Variants in NCKIPSD observed in about 807,000 individuals in gnomAD.
NCKIPSD encodes the protein NCK interacting protein with SH3 domain.
A neutral mutation model predicts 73.4 loss-of-function variants in NCKIPSD; 48 were observed. The observed-to-expected ratio is 0.65, with a 90% CI of 0.52 to 0.83. The LOEUF (loss-of-function observed/expected upper bound fraction) is 0.83, where lower values mean the gene tolerates loss of function less well. Ranked by LOEUF, NCKIPSD falls within the 40% of genes least tolerant of loss-of-function variation. The pLI, the probability that NCKIPSD is intolerant of heterozygous loss-of-function variation, is 0.00. For missense variants in NCKIPSD, 884 were observed against 970.2 expected (o/e 0.91, Z 1.18); for synonymous variants, 422 against 403.6 (o/e 1.05, Z -0.54).
chr3:48,674,310 G>A lies in NCKIPSD; in HGVS notation c.*234C>T. ...GCATGCTGAAGAGGAAGCCTACCAG[G>A]GTATAGAGGGGCTTTAGCTTGCATA... On this transcript the variant is annotated 3_prime_UTR_variant, in exon 13 of 13. Coordinates refer to ENST00000294129, the MANE Select transcript of NCKIPSD (RefSeq NM_016453.4). 5 of 1,389,336 alleles carry A rather than the reference G, an allele frequency of 3.6e-6. No individual in the cohort carries two copies. The highest frequency in any genetic ancestry group is 4.7e-6 in the Non-Finnish European group (5 of 1,069,524). 86.1% of individuals were successfully genotyped at this position (1,389,336 alleles called of 1,614,324 possible).
Position 48,682,599 on chromosome 3 carries a change from C to A in NCKIPSD, c.282-47G>T, listed in dbSNP as rs746588998. The A allele has an allele frequency of 2.5e-6, 4 of 1,597,332 alleles. No individual in the cohort carries two copies. The Admixed American group carries it at 5.0e-5, about 20-fold the overall frequency. On this transcript the variant is annotated intron_variant, in intron 2 of 12. Transcript: ENST00000294129. The stretch of plus-strand genomic sequence containing the variant: ...TATTGGGGGGTTGCATCTCACAGCT[C>A]AAAGTCCTCATATGCCCCTGTGGGA...
rs924377478 is a variant in NCKIPSD at position 48,674,881 on chromosome 3, C to G, written c.1966-134G>C. The G allele has an allele frequency of 7.3e-6, 6 of 820,970 alleles. No homozygotes were observed. The African/African-American group carries it at 1.0e-4, about 14-fold the overall frequency. 50.9% of individuals were successfully genotyped at this position (820,970 alleles called of 1,614,324 possible). A position where few individuals can be genotyped will look rare whatever the true frequency, so the allele number is the denominator to read the frequency against. Reference sequence around the variant, plus strand: ...ATCAGGGCTGCATCCCCAGCACCCACAATATACCTGGCACAGAATTGGTCT... The same window carrying G: ...ATCAGGGCTGCATCCCCAGCACCCAGAATATACCTGGCACAGAATTGGTCT... On this transcript the variant is annotated intron_variant, in intron 12 of 12. Transcript: ENST00000294129.
rs748381213 is a variant in NCKIPSD, at chr3:48,679,444, G to C, written c.1503C>G (p.Leu501=). 6 of 1,613,258 alleles carry C rather than the reference G, an allele frequency of 3.7e-6. No individual in the cohort carries two copies. Among genetic ancestry groups the C allele is most frequent in the Non-Finnish European group, 5.1e-6 (6 of 1,179,448 alleles). ...MQTDTQDHQK[L]CYSALILAMV... is the part of the protein sequence containing the mutation. ...TGGCCAGGATGAGGGCAGAGTAACA[G>C]AGTTTCTGGTGGTCTGGGGGGGACA... Residue 501 remains leucine, a synonymous_variant, in exon 9 of 13, where the codon CTC becomes CTG. Coordinates refer to ENST00000294129, the MANE Select transcript of NCKIPSD (RefSeq NM_016453.4).
At position 48,674,481 on chromosome 3, in the gene NCKIPSD, G is replaced by A. The variant is rs952210657; in HGVS notation, c.*63C>T. 3 of 1,532,160 alleles carry A rather than the reference G, an allele frequency of 2.0e-6. No individual in the cohort carries two copies. Among genetic ancestry groups the A allele is most frequent in the Non-Finnish European group, 2.6e-6 (3 of 1,137,942 alleles). The allele number at this position is 1,532,160 out of a possible 1,614,324, so 94.9% of individuals were successfully genotyped here. A position where few individuals can be genotyped will look rare whatever the true frequency, so the allele number is the denominator to read the frequency against. On this transcript the variant is annotated 3_prime_UTR_variant, in exon 13 of 13. Transcript: ENST00000294129. ...CACTGTCAGTGCAAAACATTCTTAG[G>A]GCCAAGCCCCTGAGTCCCCTGCACA...
intron 9 of NCKIPSD, 53 bp from the exon 10 acceptor site, chr3:48,679,236 A>T (rs1223684311): frequency 6.2e-7 from 1 of 1,604,348 alleles, no homozygotes. Flanking sequence ...CGACCCCCGC[A>T]CCACCCACCC....
intron 8 of NCKIPSD, 43 bp downstream of exon 8, chr3:48,679,532 C>T: frequency 6.2e-7 from 1 of 1,609,590 alleles, no homozygotes; most frequent in East Asian, 2.2e-5. Flanking sequence ...GAACACCCTC[C>T]AGATAGCAGG....
chr3:48,679,193 G>A lies in NCKIPSD; in HGVS notation c.1571-10C>T. On this transcript the variant is annotated splice_polypyrimidine_tract_variant and intron_variant, in intron 9 of 12. Coordinates refer to ENST00000294129, the MANE Select transcript of NCKIPSD (RefSeq NM_016453.4). ...GGCGTGCCCAGGTGCTCTGGGAGAG[G>A]GGCGCACAGAAGTCTGCAGCCCCAT... 4 of 1,613,648 alleles carry A rather than the reference G, an allele frequency of 2.5e-6. No homozygotes were observed. Among genetic ancestry groups the A allele is most frequent in the Non-Finnish European group, 3.4e-6 (4 of 1,179,856 alleles).
intron 12 of NCKIPSD, among the ~76,000 whole-genome samples, chr3:48,675,508 T>TGATATA (rs2077237440): frequency 3.6e-5 from 4 of 110,210 alleles, no homozygotes; most frequent in African/African-American, 1.7e-4. Flanking sequence ...TATATATATA[T>TGATATA]CATATATATA....
In NCKIPSD at chr3:48,678,641, T is replaced by C. The variant is rs367872973; in HGVS notation, c.1888A>G (p.Ile630Val). 179 of 1,614,228 alleles carry C rather than the reference T, an allele frequency of 1.1e-4. 2 individuals are homozygous for C. In the South Asian group the frequency reaches 1.1e-3, roughly 10 times the overall value. The change falls in exon 12 of 13, where the codon ATC (isoleucine) becomes GTC (valine). Residue 630 changes from isoleucine (I) to valine (V), a missense_variant. By Grantham distance (29) the Ile-to-Val change is conservative. Coordinates refer to ENST00000294129, the MANE Select transcript of NCKIPSD (RefSeq NM_016453.4). ...DVFGSPATAA[I>V]FYHTDMMALI... ...GCCATCATGTCTGTGTGGTAGAAGATGGCAGCTGTGGCCGGGCTGCCAAAC... is the reference window on the plus strand; with the variant it reads ...GCCATCATGTCTGTGTGGTAGAAGACGGCAGCTGTGGCCGGGCTGCCAAAC...
In NCKIPSD at chr3:48,685,818, A is replaced by G. The variant is rs1388415421; in HGVS notation, c.-11T>C. 5 of 1,462,090 alleles carry G rather than the reference A, an allele frequency of 3.4e-6. No homozygotes were observed. The allele number at this position is 1,462,090 out of a possible 1,614,324, so 90.6% of individuals were successfully genotyped here. A position where few individuals can be genotyped will look rare whatever the true frequency, so the allele number is the denominator to read the frequency against. ...CAGCGCGCGGTACATGAGGCCGGGC[A>G]GGGCAGGTGCAGGGAAGGTGGCAAG... On this transcript the variant is annotated 5_prime_UTR_variant, in exon 1 of 13. Transcript: ENST00000294129.
In NCKIPSD at chr3:48,679,142, CGAT is replaced by C; in HGVS notation, c.1609_1611del (p.Ile537del). The C allele has an allele frequency of 6.2e-7, 1 of 1,614,116 alleles. No individual in the cohort carries two copies. The highest frequency in any genetic ancestry group is 8.5e-7 in the Non-Finnish European group (1 of 1,180,016). ...GTGTCCAAGGGCAGCCCATCCTCGACGATGTTCAGTAGGAACTGGGCGAAAGGC... is the reference window on the plus strand; with the variant it reads ...GTGTCCAAGGGCAGCCCATCCTCGACGTTCAGTAGGAACTGGGCGAAAGGC... On this transcript the variant is annotated inframe_deletion, in exon 10 of 13. Coordinates refer to ENST00000294129, the MANE Select transcript of NCKIPSD (RefSeq NM_016453.4).
In NCKIPSD at chr3:48,685,620, G is replaced by T; in HGVS notation, c.171+17C>A. The T allele has an allele frequency of 6.6e-7, 1 of 1,514,978 alleles. No homozygotes were observed. 93.8% of individuals were successfully genotyped at this position (1,514,978 alleles called of 1,614,324 possible). A position where few individuals can be genotyped will look rare whatever the true frequency, so the allele number is the denominator to read the frequency against. On this transcript the variant is annotated intron_variant, in intron 1 of 12. Coordinates refer to ENST00000294129, the MANE Select transcript of NCKIPSD (RefSeq NM_016453.4). Reference sequence around the variant, plus strand: ...GCCCCAGGGGCGCGGAGGCCGGGCGGGAAGGGGCGCACTCACCTGCAGGCG... The same window carrying T: ...GCCCCAGGGGCGCGGAGGCCGGGCGTGAAGGGGCGCACTCACCTGCAGGCG...
In NCKIPSD at chr3:48,679,231, C is replaced by G. The variant is rs566753324; in HGVS notation, c.1571-48G>C. 2.0e-4 allele frequency: 328 copies of G among 1,610,404 alleles called. 1 individual carries two copies. Among genetic ancestry groups the G allele is most frequent in the Non-Finnish European group, 2.5e-4 (298 of 1,178,630 alleles). ...TCTGCAGCCCCATTCCCCTCCGACC[C>G]CCGCACCACCCACCCTTCCTGGCTT... On this transcript the variant is annotated intron_variant, in intron 9 of 12. Coordinates refer to ENST00000294129, the MANE Select transcript of NCKIPSD (RefSeq NM_016453.4).
At position 48,682,128 on chromosome 3, in the gene NCKIPSD, G is replaced by A; in HGVS notation, c.515C>T (p.Pro172Leu). 3 of 1,600,338 alleles carry A rather than the reference G, an allele frequency of 1.9e-6. No homozygotes were observed. The highest frequency in any genetic ancestry group is 2.5e-6 in the Non-Finnish European group (3 of 1,179,630). ...QIPLPSSQIP[P>L]QPRRAAPTTP... ...GGTGGGTGCTGCTCGGCGAGGCTGT[G>A]GTGGGATCTGGGAAGATGGAAGTGG... The change falls in exon 4 of 13, where the codon CCA becomes CTA. Residue 172 changes from proline (P) to leucine (L), a missense_variant. Coordinates refer to ENST00000294129, the MANE Select transcript of NCKIPSD (RefSeq NM_016453.4).
At position 48,680,146 on chromosome 3, in the gene NCKIPSD, C is replaced by T. The variant is rs2077327399; in HGVS notation, c.1176G>A (p.Arg392=). Residue 392 remains arginine, a synonymous_variant, in exon 6 of 13, where the codon CGG becomes CGA. Coordinates refer to ENST00000294129, the MANE Select transcript of NCKIPSD (RefSeq NM_016453.4). ...AACTGCGCTGCTGGGCGTCGTCCTT[C>T]CGGCGAGCCAGGTCTGCAAAGATCA... The part of the protein sequence containing the change: ...LEVIFADLAR[R]KDDAQQRSWA... The T allele has an allele frequency of 2.5e-6, 4 of 1,614,020 alleles. No homozygotes were observed. The East Asian group carries it at 6.7e-5, about 27-fold the overall frequency.
Position 48,681,656 on chromosome 3 carries a change from G to A in NCKIPSD, c.723C>T (p.Pro241=). Residue 241 remains proline (P), a synonymous_variant, in exon 5 of 13, where the codon CCC becomes CCT. Transcript: ENST00000294129. ...SPSEPGSSCS[P]TPPPVPRRGT... is the part of the protein sequence containing the mutation. ...CTCGGCGGGGCACAGGTGGGGGTGT[G>A]GGTGAGCAGCTGGAGCCTGGTTCAG... 1.2e-6 allele frequency: 2 copies of A among 1,610,374 alleles called. No individual in the cohort carries two copies. Among genetic ancestry groups the A allele is most frequent in the Non-Finnish European group, 1.7e-6 (2 of 1,178,090 alleles).
In NCKIPSD at chr3:48,682,613, G is replaced by A; in HGVS notation, c.282-61C>T. ...ATCTCACAGCTCAAAGTCCTCATAT[G>A]CCCCTGTGGGATGCTGGGACCCCAT... On this transcript the variant is annotated intron_variant, in intron 2 of 12. Transcript: ENST00000294129. The A allele has an allele frequency of 2.6e-6, 4 of 1,568,008 alleles. No individual in the cohort carries two copies. The South Asian group carries it at 4.5e-5, about 18-fold the overall frequency.
At chr3:48,675,549 T>TATCA (rs1559490088) in intron 12 of NCKIPSD, among the ~76,000 whole-genome samples, 140 of 115,818 alleles carry the variant, frequency 1.2e-3, no homozygotes, top group African/African-American at 4.0e-3. Context: ...ATATATATCA[T>TATCA]TTTTTTTTTT....
Position 48,685,866 on chromosome 3 carries a change from G to GC in NCKIPSD, c.-60dup, listed in dbSNP as rs1431576722. 1.5e-5 allele frequency: 20 copies of GC among 1,338,648 alleles called. No individual in the cohort carries two copies. Among genetic ancestry groups the GC allele is most frequent in the Non-Finnish European group, 1.8e-5 (19 of 1,046,506 alleles). 82.9% of individuals were successfully genotyped at this position (1,338,648 alleles called of 1,614,324 possible). On this transcript the variant is annotated 5_prime_UTR_variant, in exon 1 of 13. Coordinates refer to ENST00000294129, the MANE Select transcript of NCKIPSD (RefSeq NM_016453.4). ...AAGGGCTGCGGCGCCACAACGCCAG[G>GC]CCGGGAGCGCCGAGCCGCGCCGCGG...
Sources: allele counts gnomAD v4.1 joint callset (sites outside exome capture counted in the v4.1 genomes callset), GRCh38; gene constraint gnomAD v4.1.1; transcripts MANE v1.5; gene names NCBI Gene and HGNC (gene_info 2026-07-23, HGNC 2026-07-21).